WIPI1: variants seen among roughly 807,000 people sequenced by gnomAD.
The protein encoded by WIPI1 is WD repeat domain phosphoinositide-interacting protein 1.
In WIPI1, 45 loss-of-function variants were observed where a neutral mutation model predicts 55.3. That is an observed-to-expected ratio of 0.81 (90% confidence interval 0.64 to 1.04). The LOEUF is 1.04. Among genes scored for constraint, WIPI1 ranks in the 50% least tolerant of loss-of-function variants. The pLI, the probability that WIPI1 is intolerant of heterozygous loss-of-function variation, is 0.00. For synonymous variants in WIPI1, 195 were observed against 217.6 expected, an observed-to-expected ratio of 0.90 and a Z score of 0.92; for missense variants, 445 against 559.0, an observed-to-expected ratio of 0.80 and a Z score of 2.06.
chr17:68,444,187 A>G (rs937042078), intron 4 of WIPI1, among the ~76,000 whole-genome samples: 1 of 152,244 alleles, frequency 6.6e-6, no homozygotes, highest in Non-Finnish European at 1.5e-5. Context: ...ACACTTTTCA[A>G]CAGCAGATGC....
chr17:68,431,545 G>C (rs1169737729), intron 8 of WIPI1, among the ~76,000 whole-genome samples: 1 of 152,174 alleles, frequency 6.6e-6, no homozygotes, highest in Non-Finnish European at 1.5e-5. Flanking sequence ...TGTCTGAGGA[G>C]GAGGTGTCAT....
At position 68,444,490 on chromosome 17, in the gene WIPI1, C is replaced by T. The variant is rs1476053070; in HGVS notation, c.430+3G>A. Reference sequence around the variant, plus strand: ...GGACATTTGTTCCATTTTTGGAGCTCACCTGTTGGGTTTGCAGGAATATCC... The same window carrying T: ...GGACATTTGTTCCATTTTTGGAGCTTACCTGTTGGGTTTGCAGGAATATCC... On this transcript the variant is annotated splice_donor_region_variant and intron_variant, in intron 4 of 12. Transcript: ENST00000262139. 1 of 1,611,764 alleles carries T rather than the reference C, an allele frequency of 6.2e-7. No homozygotes were observed. Among genetic ancestry groups the T allele is most frequent in the African/African-American group, 1.3e-5 (1 of 74,858 alleles).
chr17:68,427,815 G>T (rs2083298402), intron 10 of WIPI1, among the ~76,000 whole-genome samples: 1 of 152,200 alleles, frequency 6.6e-6, no homozygotes, highest in Non-Finnish European at 1.5e-5. Flanking sequence ...GGGGGCGGTG[G>T]CAGCTCTGGT....
intron 1 of WIPI1, 118 bp downstream of exon 1, chr17:68,457,224 C>T (rs2084667900): frequency 2.4e-6 from 3 of 1,249,046 alleles, no homozygotes; most frequent in Admixed American, 2.3e-5. Context: ...GAAGCAGACA[C>T]CGGCCCTCCC....
chr17:68,437,445 C>A (rs1469545919), intron 4 of WIPI1, among the ~76,000 whole-genome samples: 1 of 151,868 alleles, frequency 6.6e-6, no homozygotes, highest in African/African-American at 2.4e-5. Context: ...GTCCCAGCTA[C>A]TCGGGAGGCT....
Position 68,445,795 on chromosome 17 carries a change from G to A in WIPI1, c.334-1206C>T, listed in dbSNP as rs564134608. ...GGCATTTCTGGTTGGGCAGCTCCTC[G>A]CACATCTGAGCAGCTGCCGACCACC... On this transcript the variant is annotated intron_variant, in intron 3 of 12. Coordinates refer to ENST00000262139, the MANE Select transcript of WIPI1 (RefSeq NM_017983.7). 2.0e-5 allele frequency among the ~76,000 whole-genome samples: 3 copies of A among 152,282 alleles called. No individual in the cohort carries two copies. The South Asian group carries it at 6.2e-4, about 32-fold the overall frequency.
chr17:68,436,438 C>T lies in WIPI1; in HGVS notation c.472G>A (p.Ala158Thr). 1.2e-6 allele frequency: 2 copies of T among 1,613,994 alleles called. No homozygotes were observed. The highest frequency in any genetic ancestry group is 1.7e-6 in the Non-Finnish European group (2 of 1,179,958). The change falls in exon 5 of 13, where the codon GCC becomes ACC. Residue 158 changes from alanine to threonine, a missense_variant. Coordinates refer to ENST00000262139, the MANE Select transcript of WIPI1 (RefSeq NM_017983.7). ...CCTGAAGTCAGGCTTCCAGGATAGG[C>T]CAGGTAAGAATTGGAATGGTTGATA... ...LSINHSNSYL[A>T]YPGSLTSGEI...
At chr17:68,431,877 T>A (rs2083544641) in intron 8 of WIPI1, among the ~76,000 whole-genome samples, 1 of 95,454 alleles carries the variant, frequency 1.0e-5, no homozygotes, top group African/African-American at 4.1e-5. Context: ...CTGATAATAA[T>A]CCCCAGTGGA....
intron 2 of WIPI1, among the ~76,000 whole-genome samples, chr17:68,451,858 G>A (rs1272821160): frequency 6.6e-6 from 1 of 152,206 alleles, no homozygotes; most frequent in Non-Finnish European, 1.5e-5. Flanking sequence ...AAAGGTTACG[G>A]CTTTGGTATC....
rs2083376983 is a variant in WIPI1, at chr17:68,428,852, C to T, written c.1050G>A (p.Glu350=). Residue 350 remains glutamate (E), a synonymous_variant, in exon 10 of 13, where the codon GAG becomes GAA. Coordinates refer to ENST00000262139, the MANE Select transcript of WIPI1 (RefSeq NM_017983.7). ...ACCTGTGGGTTTTGATTAAGACACA[C>T]TCTCCTCCATCCTGAGGATCCAAAT... The part of the protein sequence containing the change: ...MYNLDPQDGG[E]CVLIKTHSLL... The T allele has an allele frequency of 2.5e-6, 4 of 1,613,952 alleles. No homozygotes were observed. The highest frequency in any genetic ancestry group is 3.4e-6 in the Non-Finnish European group (4 of 1,179,940).
In WIPI1 at chr17:68,429,589, G is replaced by A. The variant is rs1408682494; in HGVS notation, c.965+407C>T. Among the ~76,000 whole-genome samples, 3 of 152,002 alleles carry A rather than the reference G, an allele frequency of 2.0e-5. No individual in the cohort carries two copies. The East Asian group carries it at 5.8e-4, about 29-fold the overall frequency. On this transcript the variant is annotated intron_variant, in intron 9 of 12. Coordinates refer to ENST00000262139, the MANE Select transcript of WIPI1 (RefSeq NM_017983.7). ...TCCGCTCACCCTTCCTTTGGGGCAAGTTTTCTTTTTCTTTTTTGAGATGGA... is the reference window on the plus strand; with the variant it reads ...TCCGCTCACCCTTCCTTTGGGGCAAATTTTCTTTTTCTTTTTTGAGATGGA...
At chr17:68,424,438 C>T in intron 12 of WIPI1, 1 of 534,712 alleles carries the variant, frequency 1.9e-6, no homozygotes. Flanking sequence ...GACCTGCACT[C>T]CATCCTTTTA....
chr17:68,440,138 T>C (rs1286420747), intron 4 of WIPI1, among the ~76,000 whole-genome samples: 1 of 152,202 alleles, frequency 6.6e-6, no homozygotes, highest in Non-Finnish European at 1.5e-5. Context: ...ACCACTTATT[T>C]GACAGTTTTG....
At chr17:68,453,467 G>T (rs1378885578) in intron 1 of WIPI1, among the ~76,000 whole-genome samples, 5 of 149,702 alleles carry the variant, frequency 3.3e-5, no homozygotes, top group African/African-American at 9.8e-5. Flanking sequence ...AACATGCTTT[G>T]CTTTTCTTTT....
chr17:68,427,261 T>G lies in WIPI1; in HGVS notation c.1074-8A>C. 2 of 1,607,122 alleles carry G rather than the reference T, an allele frequency of 1.2e-6. No homozygotes were observed. The highest frequency in any genetic ancestry group is 1.3e-5 in the African/African-American group (1 of 74,836). ...GTTCCTGAGCCAAGCAAGCTACTTG[T>G]GACAATCAAGAGGAGGTGAAAGAAA... On this transcript the variant is annotated splice_polypyrimidine_tract_variant and splice_region_variant and intron_variant, in intron 10 of 12. Transcript: ENST00000262139.
chr17:68,449,625 G>A (rs1053030979), intron 3 of WIPI1, among the ~76,000 whole-genome samples: 6 of 152,154 alleles, frequency 3.9e-5, no homozygotes, highest in Middle Eastern at 3.2e-3. Flanking sequence ...CCCCCCACCC[G>A]TCTCTTGGTC....
At chr17:68,424,464 T>C (rs192867879) in intron 12 of WIPI1, 5 of 534,794 alleles carry the variant, frequency 9.3e-6, no homozygotes, top group Non-Finnish European at 1.9e-5. Flanking sequence ...GGAAGCTCAA[T>C]GGACACAAAA....
intron 9 of WIPI1, among the ~76,000 whole-genome samples, 188 bp downstream of exon 9, chr17:68,429,808 C>T (rs1393142307): frequency 6.6e-6 from 1 of 152,150 alleles, no homozygotes; most frequent in Non-Finnish European, 1.5e-5. Context: ...AGGCTGGTCT[C>T]AAACTCCTGA....
chr17:68,451,025 C>T, intron 2 of WIPI1, 128 bp from the exon 3 acceptor site: 1 of 1,305,750 alleles, frequency 7.7e-7, no homozygotes, highest in African/African-American at 1.5e-5. Context: ...GCCAGGCGCC[C>T]TCTCTGAGCT....
Sources: allele counts gnomAD v4.1 joint callset (sites outside exome capture counted in the v4.1 genomes callset), GRCh38; gene constraint gnomAD v4.1.1; transcripts MANE v1.5; gene names NCBI Gene and HGNC (gene_info 2026-07-23, HGNC 2026-07-21).